Variants in ATP10B observed in about 807,000 individuals in gnomAD.
ATP10B encodes the protein ATPase phospholipid transporting 10B (putative), also known as phospholipid-transporting ATPase VB.
In ATP10B, 122 loss-of-function variants were observed where a neutral mutation model predicts 141.2. The ratio of observed to expected loss-of-function variants is 0.86; its 90% CI spans 0.75 to 1.00. The LOEUF (loss-of-function observed/expected upper bound fraction) is 1.00. ATP10B is among the 50% of genes least tolerant of loss of function. The pLI is 0.00. For synonymous variants in ATP10B, 685 were observed against 692.0 expected (o/e 0.99, Z 0.16); for missense variants, 1,876 against 1,825.3 (o/e 1.03, Z -0.51).
chr5:160,674,777 A>G (rs1762923209), intron 6 of ATP10B, among the ~76,000 whole-genome samples: 1 of 152,156 alleles, frequency 6.6e-6, no homozygotes, highest in African/African-American at 2.4e-5. Context: ...TAAAAAAAAA[A>G]AGTTTAGGGG....
At chr5:160,638,318 T>C (rs553308299) in intron 10 of ATP10B, among the ~76,000 whole-genome samples, 1 of 152,300 alleles carries the variant, frequency 6.6e-6, no homozygotes, top group East Asian at 1.9e-4. Context: ...TATCTTGTCC[T>C]GTGACCTTTT....
chr5:160,690,520 A>G (rs894845547), intron 3 of ATP10B, among the ~76,000 whole-genome samples: 1 of 152,224 alleles, frequency 6.6e-6, no homozygotes, highest in Non-Finnish European at 1.5e-5. Context: ...GAAAAAACCA[A>G]CAATCCCATC....
chr5:160,575,012 T>C (rs1645755893), intron 24 of ATP10B, among the ~76,000 whole-genome samples: 1 of 152,198 alleles, frequency 6.6e-6, no homozygotes, highest in Non-Finnish European at 1.5e-5. Flanking sequence ...ACACTTATCT[T>C]TTTCTATTTT....
At chr5:160,699,583 T>G (rs538497296) in intron 3 of ATP10B, among the ~76,000 whole-genome samples, 1 of 152,174 alleles carries the variant, frequency 6.6e-6, no homozygotes, top group African/African-American at 2.4e-5. Flanking sequence ...GCTTCCTTAA[T>G]GGACTAGGCA....
chr5:160,882,697 T>G, the ATP10B span, among the ~76,000 whole-genome samples: 2 of 152,132 alleles, frequency 1.3e-5, no homozygotes, highest in African/African-American at 4.8e-5. Context: ...ATTTGTCAAT[T>G]TAACAGGTAA....
At chr5:160,758,694 G>T (rs951302139) in intron 2 of ATP10B, among the ~76,000 whole-genome samples, 2 of 152,204 alleles carry the variant, frequency 1.3e-5, no homozygotes, top group African/African-American at 4.8e-5. Context: ...CCACAGATGG[G>T]TGAGTAGACT....
At chr5:160,588,087 A>G (rs1420558612) in intron 24 of ATP10B, among the ~76,000 whole-genome samples, 1 of 152,086 alleles carries the variant, frequency 6.6e-6, no homozygotes, top group Non-Finnish European at 1.5e-5. Context: ...TCACCTTGTG[A>G]TCTGCCCACC....
the ATP10B span, among the ~76,000 whole-genome samples, chr5:160,915,297 C>G: frequency 6.6e-6 from 1 of 151,796 alleles, no homozygotes; most frequent in African/African-American, 2.4e-5. Flanking sequence ...AGGTATTCTC[C>G]CCACGCTTTC....
At chr5:160,694,831 C>T (rs1011333793) in intron 3 of ATP10B, among the ~76,000 whole-genome samples, 7 of 152,154 alleles carry the variant, frequency 4.6e-5, no homozygotes, top group Non-Finnish European at 8.8e-5. Context: ...TAAACATACA[C>T]GTTTAGAAAT....
chr5:160,574,801 CT>C (rs35450287), intron 24 of ATP10B, among the ~76,000 whole-genome samples: 36 of 140,914 alleles, frequency 2.6e-4, no homozygotes, highest in Admixed American at 5.6e-4. Flanking sequence ...CAGCATTCAT[CT>C]TTTTTTTTTT....
chr5:160,655,484 T>C (rs1234769740), intron 7 of ATP10B, among the ~76,000 whole-genome samples: 3 of 152,100 alleles, frequency 2.0e-5, no homozygotes, highest in Non-Finnish European at 4.4e-5. Flanking sequence ...ATAACCTTGT[T>C]TTTGCAGGCA....
At chr5:160,866,975 G>A in the ATP10B span, among the ~76,000 whole-genome samples, 1 of 152,046 alleles carries the variant, frequency 6.6e-6, no homozygotes, top group Admixed American at 6.6e-5. Context: ...ACAAGCAAGA[G>A]GCAGTGTAGT....
At chr5:160,847,068 T>C (rs893062458) in intron 1 of ATP10B, among the ~76,000 whole-genome samples, 2 of 152,170 alleles carry the variant, frequency 1.3e-5, no homozygotes, top group Non-Finnish European at 2.9e-5. Context: ...GGTAGAAACA[T>C]TTTATCCTCA....
In ATP10B at chr5:160,785,686, G is replaced by A. The variant is rs1412354244; in HGVS notation, c.-458C>T. The A allele has an allele frequency of 7.8e-7, 1 of 1,288,062 alleles. No individual in the cohort carries two copies. The highest frequency in any genetic ancestry group is 1.0e-6 in the Non-Finnish European group (1 of 988,070). 79.8% of individuals were successfully genotyped at this position (1,288,062 alleles called of 1,614,324 possible). The stretch of plus-strand genomic sequence containing the variant: ...AGTTTCTCATCTTGGCAGTGGAGAG[G>A]AGTTCATTATCTCCACTGAGTGAGA... On this transcript the variant is annotated 5_prime_UTR_variant, in exon 2 of 26. Transcript: ENST00000327245.
the ATP10B span, among the ~76,000 whole-genome samples, chr5:160,898,952 A>G: frequency 1.5e-5 from 2 of 135,862 alleles, no homozygotes; most frequent in Non-Finnish European, 3.1e-5. Flanking sequence ...AATGAGACAC[A>G]TGGACACAGG....
chr5:160,928,875 G>A, the ATP10B span, among the ~76,000 whole-genome samples: 1 of 152,180 alleles, frequency 6.6e-6, no homozygotes, highest in Non-Finnish European at 1.5e-5. Flanking sequence ...CAGTAGCTAA[G>A]GTAGAGATTC....
chr5:160,667,763 T>C (rs1013522980), intron 7 of ATP10B, among the ~76,000 whole-genome samples: 2 of 152,098 alleles, frequency 1.3e-5, no homozygotes, highest in Admixed American at 6.6e-5. Flanking sequence ...CTAATTAATA[T>C]GCAAAACATA....
At chr5:160,873,624 G>T in the ATP10B span, among the ~76,000 whole-genome samples, 2 of 152,158 alleles carry the variant, frequency 1.3e-5, no homozygotes, top group Non-Finnish European at 2.9e-5. Flanking sequence ...CTGAGGTACC[G>T]GGTTCATCTC....
rs78863498 is a variant in ATP10B at position 160,834,651 on chromosome 5, C to T, written c.-576+17290G>A. Among the ~76,000 whole-genome samples, 567 of 152,252 alleles carry T rather than the reference C, an allele frequency of 3.7e-3. 7 individuals are homozygous for T. The highest frequency in any genetic ancestry group is 0.013 in the African/African-American group (524 of 41,554). On this transcript the variant is annotated intron_variant, in intron 1 of 25. Transcript: ENST00000327245. ...ATTTAAGGAAATAAAACCTTAATTACGGGCTCAAGTGACAATACTTCTTTT... is the reference window on the plus strand; with the variant it reads ...ATTTAAGGAAATAAAACCTTAATTATGGGCTCAAGTGACAATACTTCTTTT...
Sources: allele counts gnomAD v4.1 joint callset (sites outside exome capture counted in the v4.1 genomes callset), GRCh38; gene constraint gnomAD v4.1.1; transcripts MANE v1.5; gene names NCBI Gene and HGNC (gene_info 2026-07-23, HGNC 2026-07-21).